The following KCNQ1OT1 variants were observed in gnomAD, a reference collection of about 807,000 sequenced individuals.
The protein encoded by KCNQ1OT1 is KCNQ1 opposite strand/antisense transcript 1.
exon 1 of KCNQ1OT1, chr11:2,650,980 T>A: frequency 5.0e-6 from 2 of 398,666 alleles, no homozygotes; most frequent in Non-Finnish European, 8.8e-6. Context: ...GTATGTCTTA[T>A]CAACTCTCTG....
exon 1 of KCNQ1OT1, chr11:2,696,057 A>G (rs1463984776): frequency 5.0e-6 from 2 of 398,498 alleles, no homozygotes; most frequent in African/African-American, 4.1e-5. Flanking sequence ...TATTATGAAA[A>G]CAGTCTTGAC....
chr11:2,664,317 G>T lies in KCNQ1OT1; in HGVS notation n.35678C>A. On this transcript the variant is annotated non_coding_transcript_exon_variant, in exon 1 of 1. Coordinates refer to ENST00000597346, the Ensembl canonical transcript of KCNQ1OT1. This position sits in a 1 kb window ranked among gnomAD's most constrained non-coding sequence, Gnocchi z 5.1. ...GAGGCATTGTGTTCTGGTCAGGGAA[G>T]ACTCAGGGCTGAGGCTTCAGGGGAG... is the stretch of plus-strand genomic sequence containing the variant. The T allele has an allele frequency of 2.5e-6, 1 of 398,968 alleles. No individual in the cohort carries two copies. The highest frequency in any genetic ancestry group is 1.3e-4 in the South Asian group (1 of 7,862). The allele number at this position is 398,968 out of a possible 1,614,324, so 24.7% of individuals were successfully genotyped here.
Position 2,682,190 on chromosome 11 carries a change from C to G in KCNQ1OT1, n.17805G>C, listed in dbSNP as rs2098872220. The G allele has an allele frequency of 2.5e-6, 1 of 398,502 alleles. No homozygotes were observed. The highest frequency in any genetic ancestry group is 2.1e-5 in the African/African-American group (1 of 48,618). The allele number at this position is 398,502 out of a possible 1,614,324, so 24.7% of individuals were successfully genotyped here. A position where few individuals can be genotyped will look rare whatever the true frequency, so the allele number is the denominator to read the frequency against. Reference sequence around the variant, plus strand: ...AAGCTCTCTCCTGACCTTCTCTCCCCTTCCCCAGGCCAGGACTGTCTTATC... The same window carrying G: ...AAGCTCTCTCCTGACCTTCTCTCCCGTTCCCCAGGCCAGGACTGTCTTATC... On this transcript the variant is annotated non_coding_transcript_exon_variant, in exon 1 of 1. Transcript: ENST00000597346. This position sits in a 1 kb window ranked among gnomAD's most constrained non-coding sequence, Gnocchi z 5.8.
chr11:2,656,693 A>G (rs373449554), exon 1 of KCNQ1OT1: 6 of 398,200 alleles, frequency 1.5e-5, no homozygotes, highest in Non-Finnish European at 2.7e-5. Flanking sequence ...TCACTCTTTA[A>G]GGTGTATTTT....
chr11:2,694,780 CAG>C (rs137893372), exon 1 of KCNQ1OT1: 8,108 of 398,590 alleles, frequency 0.02, 256 homozygotes, highest in East Asian at 0.095. Flanking sequence ...CTGTGCTTTG[CAG>C]AGACTCGAAA....
chr11:2,666,202 C>T (rs965096344), exon 1 of KCNQ1OT1: 1 of 398,610 alleles, frequency 2.5e-6, no homozygotes. Flanking sequence ...TCCCACTCTC[C>T]AGAGGGACAC....
chr11:2,650,120 C>G, exon 1 of KCNQ1OT1: 2 of 398,308 alleles, frequency 5.0e-6, no homozygotes, highest in Non-Finnish European at 8.8e-6. Flanking sequence ...TAATTTATCA[C>G]CTCCAGGATT....
At chr11:2,615,387 CTGTT>C (rs1385429934) in exon 1 of KCNQ1OT1, 4 of 397,746 alleles carry the variant, frequency 1.0e-5, no homozygotes, top group Non-Finnish European at 8.9e-6. Context: ...ATTCATTTAC[CTGTT>C]TGTTTATTTA....
chr11:2,661,122 A>G lies in KCNQ1OT1; in HGVS notation n.38873T>C, dbSNP rs926217592. 2.0e-5 allele frequency: 8 copies of G among 398,506 alleles called. No individual in the cohort carries two copies. The highest frequency in any genetic ancestry group is 1.2e-3 in the Middle Eastern group (2 of 1,610). 24.7% of individuals were successfully genotyped at this position (398,506 alleles called of 1,614,324 possible). ...CTCCCACCTGGCATCTGCTGCTCGGATGAGCAGAGAGGGTGGGCTAGGGAT... is the reference window on the plus strand; with the variant it reads ...CTCCCACCTGGCATCTGCTGCTCGGGTGAGCAGAGAGGGTGGGCTAGGGAT... On this transcript the variant is annotated non_coding_transcript_exon_variant, in exon 1 of 1. Coordinates refer to ENST00000597346, the Ensembl canonical transcript of KCNQ1OT1. The surrounding 1 kb of genome is among the most constrained non-coding windows in gnomAD (Gnocchi z 5.9).
chr11:2,693,316 G>A (rs1850619064), exon 1 of KCNQ1OT1: 1 of 398,674 alleles, frequency 2.5e-6, no homozygotes, highest in South Asian at 1.3e-4. Flanking sequence ...ACAGGCCTGG[G>A]CCCTCTCTCC....
Position 2,627,649 on chromosome 11 carries a change from A to G in KCNQ1OT1, n.72346T>C, listed in dbSNP as rs1427066463. The G allele has an allele frequency of 1.0e-5, 4 of 398,514 alleles. No individual in the cohort carries two copies. The highest frequency in any genetic ancestry group is 1.8e-5 in the Non-Finnish European group (4 of 226,042). 24.7% of individuals were successfully genotyped at this position (398,514 alleles called of 1,614,324 possible). On this transcript the variant is annotated non_coding_transcript_exon_variant, in exon 1 of 1. Coordinates refer to ENST00000597346, the Ensembl canonical transcript of KCNQ1OT1. This position sits in a 1 kb window ranked among gnomAD's most constrained non-coding sequence, Gnocchi z 4.9. ...ATGATTTCCTGCTTTTTAAAGGATGAATATTTCATTGTGTGTGTGTATATA... is the reference window on the plus strand; with the variant it reads ...ATGATTTCCTGCTTTTTAAAGGATGGATATTTCATTGTGTGTGTGTATATA...
At chr11:2,699,529 T>G (rs1850741152) in exon 1 of KCNQ1OT1, 3 of 273,124 alleles carry the variant, frequency 1.1e-5, no homozygotes, top group South Asian at 2.4e-4. Context: ...AGTGCCGCGC[T>G]GAGGAGGCCC....
At chr11:2,649,619 A>G in exon 1 of KCNQ1OT1, 1 of 398,586 alleles carries the variant, frequency 2.5e-6, no homozygotes, top group East Asian at 3.6e-5. Context: ...AGCACTTTTA[A>G]TATGGCATTC....
At chr11:2,648,716 C>T in exon 1 of KCNQ1OT1, 2 of 398,462 alleles carry the variant, frequency 5.0e-6, no homozygotes, top group Non-Finnish European at 8.8e-6. Context: ...GGAGAATGTG[C>T]TGTGTGCTAA....
exon 1 of KCNQ1OT1, chr11:2,666,244 TG>T (rs1338566005): frequency 7.5e-6 from 3 of 398,332 alleles, no homozygotes; most frequent in Admixed American, 4.4e-5. Flanking sequence ...GAGATGGGCA[TG>T]GGGGAGGACC....
exon 1 of KCNQ1OT1, chr11:2,630,150 G>C (rs1717399757): frequency 2.5e-6 from 1 of 398,126 alleles, no homozygotes; most frequent in Non-Finnish European, 4.4e-6. Context: ...TATGTGAACT[G>C]CATTATTTGC....
At position 2,683,974 on chromosome 11, in the gene KCNQ1OT1, T is replaced by C. The variant is rs990890326; in HGVS notation, n.16021A>G. Reference sequence around the variant, plus strand: ...GACTGCTTTTACTTTTTTTTTTTTTTCATTTAGAAGAATTTCCTTGGCAAC... The same window carrying C: ...GACTGCTTTTACTTTTTTTTTTTTTCCATTTAGAAGAATTTCCTTGGCAAC... On this transcript the variant is annotated non_coding_transcript_exon_variant, in exon 1 of 1. Coordinates refer to ENST00000597346, the Ensembl canonical transcript of KCNQ1OT1. The surrounding 1 kb of genome is among the most constrained non-coding windows in gnomAD (Gnocchi z 4.7). The C allele has an allele frequency of 1.0e-4, 41 of 398,204 alleles. No homozygotes were observed. The highest frequency in any genetic ancestry group is 1.6e-4 in the Non-Finnish European group (36 of 226,016). The allele number at this position is 398,204 out of a possible 1,614,324, so 24.7% of individuals were successfully genotyped here.
exon 1 of KCNQ1OT1, chr11:2,615,069 G>C (rs893171106): frequency 2.5e-6 from 1 of 398,038 alleles, no homozygotes; most frequent in Non-Finnish European, 4.4e-6. Flanking sequence ...TTTAATTTTT[G>C]TCAACAGTGT....
exon 1 of KCNQ1OT1, chr11:2,628,290 C>A: frequency 5.0e-6 from 2 of 398,552 alleles, no homozygotes; most frequent in Non-Finnish European, 4.4e-6. Flanking sequence ...ACATCCTCAC[C>A]AACACTTGCT....
Sources: gnomAD v4.1 joint callset for allele counts on GRCh38, gnomAD v4.1.1 for gene constraint, Gnocchi (gnomAD v3.1) non-coding constraint, MANE v1.5 for transcripts, NCBI Gene and HGNC (gene_info 2026-07-23, HGNC 2026-07-21) for gene names.